The following SYTL3 variants were observed in gnomAD, a reference collection of about 807,000 sequenced individuals.
SYTL3 encodes synaptotagmin-like protein 3.
Under a neutral mutation model 82.1 loss-of-function variants are expected in SYTL3, and 88 were observed. The ratio of observed to expected loss-of-function variants is 1.07; its 90% CI spans 0.90 to 1.28. The LOEUF (loss-of-function observed/expected upper bound fraction) is 1.28. Ranked by LOEUF, SYTL3 falls within the 50% of genes most tolerant of loss-of-function variation. The pLI, the probability that SYTL3 is intolerant of heterozygous loss-of-function variation, is 0.00. For synonymous variants in SYTL3, 311 were observed against 289.4 expected, an observed-to-expected ratio of 1.07 and a Z score of -0.76; for missense variants, 831 against 757.6, an observed-to-expected ratio of 1.10 and a Z score of -1.14.
intron 11 of SYTL3, among the ~76,000 whole-genome samples, chr6:158,735,110 CCTCA>C (rs1053850423): frequency 2.6e-5 from 4 of 152,214 alleles, no homozygotes; most frequent in African/African-American, 9.6e-5. Context: ...CCTGGTTCAG[CCTCA>C]CTCACTCAGG....
intron 10 of SYTL3, 118 bp from the exon 11 acceptor site, chr6:158,725,385 C>A: frequency 8.8e-7 from 1 of 1,137,224 alleles, no homozygotes; most frequent in South Asian, 1.4e-5. Context: ...TGTCCTCCTA[C>A]TCAGAAGTTT....
intron 6 of SYTL3, among the ~76,000 whole-genome samples, chr6:158,698,345 C>T (rs1319757497): frequency 2.8e-5 from 4 of 144,192 alleles, no homozygotes; most frequent in Non-Finnish European, 4.5e-5. Context: ...TGCAGTGAGC[C>T]GAGATCACAC....
intron 3 of SYTL3, among the ~76,000 whole-genome samples, chr6:158,662,062 G>C (rs1205935489): frequency 6.6e-6 from 1 of 152,156 alleles, no homozygotes; most frequent in Non-Finnish European, 1.5e-5. Context: ...TGCTACCTTA[G>C]AGCTCTGTTA....
intron 6 of SYTL3, among the ~76,000 whole-genome samples, chr6:158,705,457 T>C (rs1409186180): frequency 5.8e-5 from 7 of 121,262 alleles, no homozygotes; most frequent in Non-Finnish European, 1.0e-4. Flanking sequence ...TAAGGTCACA[T>C]AGGGCAGGAG....
chr6:158,698,415 G>T (rs1284598184), intron 6 of SYTL3, among the ~76,000 whole-genome samples: 1 of 142,746 alleles, frequency 7.0e-6, no homozygotes, highest in Non-Finnish European at 1.5e-5. Context: ...AAAAAAAAAG[G>T]CTCTGGACTC....
At chr6:158,754,890 G>T (rs2128535812) in intron 13 of SYTL3, among the ~76,000 whole-genome samples, 1 of 152,382 alleles carries the variant, frequency 6.6e-6, no homozygotes, top group Admixed American at 6.5e-5. Context: ...ACCCTGCTAA[G>T]TGGCGTGGCG....
chr6:158,648,711 C>G (rs1787677749), upstream of SYTL3, among the ~76,000 whole-genome samples: 1 of 152,038 alleles, frequency 6.6e-6, no homozygotes, highest in South Asian at 2.1e-4. Flanking sequence ...CCTTTCTTCC[C>G]CTGTGCCAAG....
intron 5 of SYTL3, among the ~76,000 whole-genome samples, chr6:158,671,949 T>C (rs1466140118): frequency 6.6e-6 from 1 of 152,180 alleles, no homozygotes; most frequent in African/African-American, 2.4e-5. Flanking sequence ...TTGGAGACCA[T>C]GATTTCCCAG....
chr6:158,666,824 A>C (rs1230187343), intron 5 of SYTL3, among the ~76,000 whole-genome samples: 4 of 152,232 alleles, frequency 2.6e-5, no homozygotes, highest in Non-Finnish European at 5.9e-5. Flanking sequence ...TCATCTAGCC[A>C]GAGAGGTGAA....
intron 11 of SYTL3, chr6:158,726,000 A>G: frequency 1.5e-6 from 1 of 660,768 alleles, no homozygotes; most frequent in Non-Finnish European, 2.9e-6. Flanking sequence ...TAGGCATGCA[A>G]GCCACTGACA....
Position 158,700,806 on chromosome 6 carries a change from C to T in SYTL3, c.395-6424C>T, listed in dbSNP as rs550370562. On this transcript the variant is annotated intron_variant, in intron 6 of 17. Coordinates refer to ENST00000611299, the MANE Select transcript of SYTL3 (RefSeq NM_001242394.2). ...TAATTTTTTGTACTTTTAGTAGAGA[C>T]GGGGTTTCACTGTGTTAGCCAGGAT... Among the ~76,000 whole-genome samples the T allele has an allele frequency of 4.9e-3, 741 of 152,156 alleles. 6 individuals carry two copies. The highest frequency in any genetic ancestry group is 6.5e-3 in the Non-Finnish European group (440 of 68,002).
chr6:158,692,217 C>G (rs1362772018), intron 6 of SYTL3, among the ~76,000 whole-genome samples: 1 of 120,522 alleles, frequency 8.3e-6, no homozygotes. Flanking sequence ...CAGATTGTGC[C>G]ACTGCACTCC....
At chr6:158,753,541 TA>T (rs1380786716) in intron 13 of SYTL3, among the ~76,000 whole-genome samples, 1 of 148,484 alleles carries the variant, frequency 6.7e-6, no homozygotes, top group Non-Finnish European at 1.5e-5. Context: ...CCATCCTGGC[TA>T]ACATGGTGAA....
rs1783042397 is a variant in SYTL3, at chr6:158,713,870, A to G, written c.587A>G (p.His196Arg). 1 of 1,549,914 alleles carries G rather than the reference A, an allele frequency of 6.5e-7. No homozygotes were observed. Among genetic ancestry groups the G allele is most frequent in the Non-Finnish European group, 8.7e-7 (1 of 1,146,074 alleles). ...AATTTGTTTCTGTCTCTTGCTACCC[A>G]CGTGAAAAGTAAGTGCATGCTTCAT... is the stretch of plus-strand genomic sequence containing the variant. The part of the protein sequence containing the change: ...VENLFLSLAT[H>R]VKKLSKSQND... Residue 196 changes from histidine to arginine, a missense_variant, in exon 9 of 18, where the codon CAC becomes CGC. Transcript: ENST00000611299.
Position 158,764,855 on chromosome 6 carries a change from A to G in SYTL3, c.*251A>G, listed in dbSNP as rs752495285. ...GTAGAAAATGGCCAGATTTTAATAAACGTTGTTACCCATGTCCTCCAGTGC... is the reference window on the plus strand; with the variant it reads ...GTAGAAAATGGCCAGATTTTAATAAGCGTTGTTACCCATGTCCTCCAGTGC... On this transcript the variant is annotated 3_prime_UTR_variant, in exon 18 of 18. Transcript: ENST00000611299. 2.5e-6 allele frequency: 1 copy of G among 393,664 alleles called. No individual in the cohort carries two copies. Among genetic ancestry groups the G allele is most frequent in the Non-Finnish European group, 4.6e-6 (1 of 217,686 alleles). 24.4% of individuals were successfully genotyped at this position (393,664 alleles called of 1,614,324 possible). A position where few individuals can be genotyped will look rare whatever the true frequency, so the allele number is the denominator to read the frequency against.
In SYTL3 at chr6:158,760,681, G is replaced by A. The variant is rs564634611; in HGVS notation, c.1350G>A (p.Glu450=). The change falls in exon 15 of 18, where the codon GAG becomes GAA. Residue 450 remains glutamate, a synonymous_variant. Coordinates refer to ENST00000611299, the MANE Select transcript of SYTL3 (RefSeq NM_001242394.2). ...ACAGCGTTCCTCAGAGTAATGGAGA[G>A]CTCACAGTCCGGGCTAAGCTGGTTC... ...YEDSVPQSNG[E]LTVRAKLVLP... 6.2e-7 allele frequency: 1 copy of A among 1,614,180 alleles called. No individual in the cohort carries two copies. The highest frequency in any genetic ancestry group is 2.2e-5 in the East Asian group (1 of 44,880).
chr6:158,675,463 T>A (rs1391721864), intron 5 of SYTL3, among the ~76,000 whole-genome samples: 1 of 152,196 alleles, frequency 6.6e-6, no homozygotes, highest in African/African-American at 2.4e-5. Flanking sequence ...TCAATTGAGC[T>A]AGTGGAAAAA....
At chr6:158,668,611 G>T (rs1004547553) in intron 5 of SYTL3, among the ~76,000 whole-genome samples, 1 of 152,296 alleles carries the variant, frequency 6.6e-6, no homozygotes, top group African/African-American at 2.4e-5. Context: ...TTTGCCAAGC[G>T]AACACCATGC....
intron 5 of SYTL3, among the ~76,000 whole-genome samples, chr6:158,677,393 AC>A (rs1331179653): frequency 6.6e-6 from 1 of 152,058 alleles, no homozygotes; most frequent in Non-Finnish European, 1.5e-5. Flanking sequence ...AACATCACAC[AC>A]CGGGGAATGT....
Sources: allele counts gnomAD v4.1 joint callset (sites outside exome capture counted in the v4.1 genomes callset), GRCh38; gene constraint gnomAD v4.1.1; transcripts MANE v1.5; gene names NCBI Gene and HGNC (gene_info 2026-07-23, HGNC 2026-07-21).